SLC24A2: variants seen among roughly 807,000 people sequenced by gnomAD.
SLC24A2 encodes solute carrier family 24 member 2, also known as sodium/potassium/calcium exchanger 2.
A neutral mutation model predicts 62.0 loss-of-function variants in SLC24A2; 36 were observed. The observed-to-expected ratio is 0.58, with a 90% CI of 0.44 to 0.77. The LOEUF is 0.77. Ranked by LOEUF, SLC24A2 falls within the 30% of genes least tolerant of loss-of-function variation. SLC24A2 has a pLI of 0.00. For synonymous variants in SLC24A2, 358 were observed against 294.0 expected, an observed-to-expected ratio of 1.22 and a Z score of -2.23; for missense variants, 846 against 817.9, an observed-to-expected ratio of 1.03 and a Z score of -0.42.
chr9:19,754,957 C>T (rs948332519), intron 2 of SLC24A2, among the ~76,000 whole-genome samples: 3 of 152,126 alleles, frequency 2.0e-5, no homozygotes, highest in African/African-American at 7.2e-5. Flanking sequence ...AACCTGATCT[C>T]TCTTTAAAAT....
intron 2 of SLC24A2, among the ~76,000 whole-genome samples, chr9:19,725,582 CATTTT>C (rs375159401): frequency 1.6e-4 from 25 of 152,178 alleles, no homozygotes; most frequent in African/African-American, 4.3e-4. Context: ...TTTTTTACAG[CATTTT>C]ATTTTATGTG....
the SLC24A2 span, among the ~76,000 whole-genome samples, chr9:19,872,146 G>A: frequency 1.3e-5 from 2 of 152,146 alleles, no homozygotes; most frequent in Non-Finnish European, 2.9e-5. Flanking sequence ...GGATGCTAGA[G>A]AGCTCCAATA....
At chr9:20,284,996 A>G in the SLC24A2 span, among the ~76,000 whole-genome samples, 3 of 152,342 alleles carry the variant, frequency 2.0e-5, no homozygotes, top group Non-Finnish European at 4.4e-5. Context: ...ATATAATTCT[A>G]TTAGCAGTTT....
chr9:19,620,249 T>C (rs945639105), intron 3 of SLC24A2, among the ~76,000 whole-genome samples: 1 of 152,218 alleles, frequency 6.6e-6, no homozygotes, highest in East Asian at 1.9e-4. Flanking sequence ...AATATGAACA[T>C]ATAAAAACAC....
the SLC24A2 span, among the ~76,000 whole-genome samples, chr9:19,933,224 C>T: frequency 6.6e-6 from 1 of 152,202 alleles, no homozygotes; most frequent in African/African-American, 2.4e-5. Context: ...CAGAGTAAGG[C>T]ATGCTAAGGT....
intron 2 of SLC24A2, among the ~76,000 whole-genome samples, chr9:19,703,904 A>C (rs1820430352): frequency 6.6e-6 from 1 of 152,232 alleles, no homozygotes; most frequent in Admixed American, 6.5e-5. Flanking sequence ...ATGACTCAGC[A>C]AACTATCTAC....
the SLC24A2 span, among the ~76,000 whole-genome samples, chr9:19,965,855 C>T: frequency 6.6e-6 from 1 of 152,272 alleles, no homozygotes; most frequent in East Asian, 1.9e-4. Flanking sequence ...GTGTAATCTT[C>T]TTGAGACTGG....
At chr9:19,528,930 ATTTTTAAAG>A (rs1252446953) in intron 8 of SLC24A2, among the ~76,000 whole-genome samples, 3 of 152,196 alleles carry the variant, frequency 2.0e-5, no homozygotes, top group African/African-American at 7.2e-5. Context: ...AAGTGTGAGC[ATTTTTAAAG>A]TTTCCTAGAA....
At chr9:20,094,045 C>T in the SLC24A2 span, among the ~76,000 whole-genome samples, 1 of 152,116 alleles carries the variant, frequency 6.6e-6, no homozygotes, top group East Asian at 1.9e-4. Context: ...AAACCATTTT[C>T]ATAATACTAA....
rs192633028 is a variant in SLC24A2, at chr9:19,593,377, C to T, written c.1129+3852G>A. Reference sequence around the variant, plus strand: ...AAAAAGTAGATAAAATTTGGATTGGCTTGGGGTGGGGAGAGGAGGTTGGGT... The same window carrying T: ...AAAAAGTAGATAAAATTTGGATTGGTTTGGGGTGGGGAGAGGAGGTTGGGT... On this transcript the variant is annotated intron_variant, in intron 5 of 10. Coordinates refer to ENST00000341998, the MANE Select transcript of SLC24A2 (RefSeq NM_020344.4). Among the ~76,000 whole-genome samples, 443 of 152,038 alleles carry T rather than the reference C, an allele frequency of 2.9e-3. 4 individuals carry two copies. The highest frequency in any genetic ancestry group is 0.01 in the African/African-American group (430 of 41,464).
At chr9:19,552,437 G>T (rs1399017222) in intron 7 of SLC24A2, among the ~76,000 whole-genome samples, 3 of 152,106 alleles carry the variant, frequency 2.0e-5, no homozygotes, top group Non-Finnish European at 4.4e-5. Flanking sequence ...CTTACCTCCT[G>T]GCAGATGCCC....
intron 2 of SLC24A2, among the ~76,000 whole-genome samples, chr9:19,650,605 T>C (rs1564017822): frequency 6.6e-6 from 1 of 152,184 alleles, no homozygotes; most frequent in Non-Finnish European, 1.5e-5. Context: ...CAAAGCTAAC[T>C]GGCCAAATGG....
intron 2 of SLC24A2, among the ~76,000 whole-genome samples, chr9:19,783,334 C>T (rs1370263569): frequency 2.6e-5 from 4 of 152,204 alleles, no homozygotes; most frequent in Non-Finnish European, 5.9e-5. Context: ...AGTGACTTTG[C>T]ATGAAAACAT....
intron 2 of SLC24A2, among the ~76,000 whole-genome samples, chr9:19,695,084 T>TGGGGGGGGGGG (rs1820148442): frequency 1.1e-5 from 1 of 94,214 alleles, no homozygotes; most frequent in Non-Finnish European, 2.4e-5. Flanking sequence ...GGGGCGGGGG[T>TGGGGGGGGGGG]GGGCTTCCCC....
the SLC24A2 span, among the ~76,000 whole-genome samples, chr9:19,872,961 G>C: frequency 6.6e-6 from 1 of 152,180 alleles, no homozygotes; most frequent in Non-Finnish European, 1.5e-5. Flanking sequence ...ATTGTTAAGA[G>C]ATCTGAACTG....
the SLC24A2 span, among the ~76,000 whole-genome samples, chr9:19,983,480 TA>T: frequency 6.6e-6 from 1 of 151,992 alleles, no homozygotes; most frequent in Non-Finnish European, 1.5e-5. Flanking sequence ...CCGTCTCTAC[TA>T]AAAACACAAA....
At chr9:19,669,339 A>G (rs1819347381) in intron 2 of SLC24A2, among the ~76,000 whole-genome samples, 1 of 152,126 alleles carries the variant, frequency 6.6e-6, no homozygotes, top group Non-Finnish European at 1.5e-5. Flanking sequence ...TGGCATTCAC[A>G]TAAGTGGTCA....
the SLC24A2 span, among the ~76,000 whole-genome samples, chr9:20,032,530 G>T: frequency 6.6e-6 from 1 of 152,096 alleles, no homozygotes; most frequent in African/African-American, 2.4e-5. Context: ...TTTGCCCAAG[G>T]GTCGGGTTAC....
chr9:20,066,147 G>T, the SLC24A2 span, among the ~76,000 whole-genome samples: 1 of 152,102 alleles, frequency 6.6e-6, no homozygotes, highest in African/African-American at 2.4e-5. Flanking sequence ...AAAGGGAGGA[G>T]GATCATTGCC....
Sources: allele counts gnomAD v4.1 joint callset (sites outside exome capture counted in the v4.1 genomes callset), GRCh38; gene constraint gnomAD v4.1.1; transcripts MANE v1.5; gene names NCBI Gene and HGNC (gene_info 2026-07-23, HGNC 2026-07-21).